DISC1: variants seen among roughly 807,000 people sequenced by gnomAD.
DISC1 encodes disrupted in schizophrenia 1 protein.
A neutral mutation model predicts 84.5 loss-of-function variants in DISC1; 57 were observed. That is an observed-to-expected ratio of 0.67 (90% CI 0.55 to 0.84). The LOEUF (loss-of-function observed/expected upper bound fraction) is 0.84. Ranked by LOEUF, DISC1 falls within the 40% of genes least tolerant of loss-of-function variation. DISC1 has a pLI of 0.00. For synonymous variants in DISC1, 411 were observed against 415.2 expected (o/e 0.99, Z 0.12); for missense variants, 1,000 against 1,057.8 (o/e 0.95, Z 0.76).
intron 9 of DISC1, among the ~76,000 whole-genome samples, chr1:231,915,642 G>T (rs1387646151): frequency 6.6e-6 from 1 of 152,226 alleles, no homozygotes; most frequent in East Asian, 1.9e-4. Context: ...GCCAGGCGTG[G>T]TGGCAGGCAC....
At chr1:231,986,927 G>C (rs1260056216) in intron 10 of DISC1, among the ~76,000 whole-genome samples, 1 of 152,152 alleles carries the variant, frequency 6.6e-6, no homozygotes, top group Non-Finnish European at 1.5e-5. Flanking sequence ...GTTGGTTGCT[G>C]CTCTAAGGTC....
intron 9 of DISC1, among the ~76,000 whole-genome samples, chr1:231,855,774 A>G (rs1399118154): frequency 1.3e-5 from 2 of 152,166 alleles, no homozygotes; most frequent in Non-Finnish European, 2.9e-5. Context: ...CACAAAAGCA[A>G]GTCTCTATTT....
In DISC1 at chr1:232,000,587, A is replaced by C. The variant is rs1188852868; in HGVS notation, c.2043-8198A>C. On this transcript the variant is annotated intron_variant, in intron 10 of 12. Coordinates refer to ENST00000439617, the MANE Select transcript of DISC1 (RefSeq NM_018662.3). Reference sequence around the variant, plus strand: ...GTGAAAGCCATAATCCTACAGATTCAAGAAGCTACACAAATCCCCAGGAGA... The same window carrying C: ...GTGAAAGCCATAATCCTACAGATTCCAGAAGCTACACAAATCCCCAGGAGA... Among the ~76,000 whole-genome samples the C allele has an allele frequency of 3.3e-5, 5 of 152,246 alleles. No homozygotes were observed. The East Asian group carries it at 9.6e-4, about 29-fold the overall frequency.
At chr1:231,708,618 T>C (rs1188984626) in intron 3 of DISC1, among the ~76,000 whole-genome samples, 1 of 152,168 alleles carries the variant, frequency 6.6e-6, no homozygotes, top group Non-Finnish European at 1.5e-5. Context: ...TCACTATCAT[T>C]GGTTTTCAAT....
chr1:231,845,580 T>C (rs2083393210), intron 9 of DISC1, among the ~76,000 whole-genome samples: 1 of 152,164 alleles, frequency 6.6e-6, no homozygotes, highest in Non-Finnish European at 1.5e-5. Context: ...CTCAGCAGCC[T>C]GCTTCAGGGA....
At chr1:231,638,872 C>T (rs2059400876) in intron 1 of DISC1, among the ~76,000 whole-genome samples, 1 of 152,096 alleles carries the variant, frequency 6.6e-6, no homozygotes, top group Admixed American at 6.5e-5. Context: ...TGTGAATCAT[C>T]AGGAATTTAG....
At chr1:231,712,061 G>A (rs1264395932) in intron 3 of DISC1, among the ~76,000 whole-genome samples, 2 of 152,174 alleles carry the variant, frequency 1.3e-5, no homozygotes, top group East Asian at 1.9e-4. Context: ...CAATTGAAGA[G>A]GAGGTGGTGA....
chr1:231,955,664 A>C (rs1265791704), intron 9 of DISC1, among the ~76,000 whole-genome samples: 1 of 151,624 alleles, frequency 6.6e-6, no homozygotes, highest in Admixed American at 6.6e-5. Flanking sequence ...CAATTTTTCT[A>C]TTTTTAGTAG....
At chr1:231,649,277 G>A (rs2060412507) in intron 1 of DISC1, among the ~76,000 whole-genome samples, 2 of 152,022 alleles carry the variant, frequency 1.3e-5, no homozygotes, top group South Asian at 2.1e-4. Flanking sequence ...CATTAGTTTC[G>A]AAGAACACCT....
intron 1 of DISC1, among the ~76,000 whole-genome samples, chr1:231,674,693 A>T (rs2062968574): frequency 6.6e-6 from 1 of 152,256 alleles, no homozygotes; most frequent in African/African-American, 2.4e-5. Context: ...TAGGTTAAGC[A>T]TTGTAGGAAG....
In DISC1 at chr1:231,649,876, C is replaced by T. The variant is rs180816146; in HGVS notation, c.67+22942C>T. ...TCTGTTTTATCAGAGACCAGGATTG[C>T]AACCCCTGCTTTTTTCTTTTTTGCT... On this transcript the variant is annotated intron_variant, in intron 1 of 12. Transcript: ENST00000439617. Among the ~76,000 whole-genome samples, 208 of 152,272 alleles carry T rather than the reference C, an allele frequency of 1.4e-3. 1 individual carries two copies. Among genetic ancestry groups the T allele is most frequent in the African/African-American group, 4.8e-3 (201 of 41,550 alleles).
intron 6 of DISC1, among the ~76,000 whole-genome samples, chr1:231,785,430 C>T (rs1293303668): frequency 6.6e-6 from 1 of 152,006 alleles, no homozygotes; most frequent in East Asian, 1.9e-4. Flanking sequence ...CAGACACATG[C>T]CACCATACTT....
chr1:231,789,580 G>A (rs111552520), intron 6 of DISC1, among the ~76,000 whole-genome samples: 7 of 152,306 alleles, frequency 4.6e-5, no homozygotes, highest in South Asian at 2.1e-4. Context: ...GAGCAGAGTG[G>A]TAGAAGTAGA....
At chr1:231,657,720 C>G (rs192804967) in intron 1 of DISC1, among the ~76,000 whole-genome samples, 3 of 152,266 alleles carry the variant, frequency 2.0e-5, no homozygotes, top group African/African-American at 7.2e-5. Context: ...TCTCTCAGCA[C>G]CATTTATTAA....
chr1:231,643,356 A>T (rs909436928), intron 1 of DISC1, among the ~76,000 whole-genome samples: 2 of 152,210 alleles, frequency 1.3e-5, no homozygotes, highest in African/African-American at 4.8e-5. Context: ...ACTAGTAAAA[A>T]AAAATAAAAT....
intron 1 of DISC1, among the ~76,000 whole-genome samples, chr1:231,634,993 G>A (rs1331698595): frequency 6.6e-6 from 1 of 152,088 alleles, no homozygotes; most frequent in East Asian, 1.9e-4. Flanking sequence ...AGTCTAGAGA[G>A]AACTAAGGGA....
chr1:231,737,843 G>A (rs912098204), intron 3 of DISC1, among the ~76,000 whole-genome samples: 1 of 152,136 alleles, frequency 6.6e-6, no homozygotes, highest in African/African-American at 2.4e-5. Flanking sequence ...CCACTTGAGG[G>A]CAAGCTGCAG....
At chr1:231,910,933 C>T (rs1250475959) in intron 9 of DISC1, among the ~76,000 whole-genome samples, 1 of 152,144 alleles carries the variant, frequency 6.6e-6, no homozygotes, top group Non-Finnish European at 1.5e-5. Flanking sequence ...TAAGTAATGG[C>T]CTTCTTTGTC....
chr1:231,961,851 G>A (rs1418336656), intron 10 of DISC1, among the ~76,000 whole-genome samples: 1 of 152,240 alleles, frequency 6.6e-6, no homozygotes, highest in East Asian at 1.9e-4. Flanking sequence ...ACGAGAGCAT[G>A]TGTCTTTTTG....
Sources: gnomAD v4.1 joint callset for allele counts (sites outside exome capture counted in the v4.1 genomes callset) on GRCh38, gnomAD v4.1.1 for gene constraint, MANE v1.5 for transcripts, NCBI Gene and HGNC (gene_info 2026-07-23, HGNC 2026-07-21) for gene names.